The following AHNAK2 variants were observed in gnomAD, a reference collection of about 807,000 sequenced individuals.
AHNAK2 encodes protein AHNAK2.
AHNAK2 carries 18 observed loss-of-function variants against 30.7 expected under a neutral mutation model. The observed-to-expected ratio is 0.59, with a 90% CI of 0.41 to 0.87. AHNAK2 has a LOEUF of 0.87. AHNAK2 is among the 40% of genes least tolerant of loss of function. The probability of loss-of-function intolerance (pLI) is 0.00; values close to 1 mark genes in which losing one functional copy is unlikely to be tolerated. For synonymous variants in AHNAK2, 3,590 were observed against 3,073.8 expected (o/e 1.17, Z -5.56); for missense variants, 8,604 against 7,373.0 (o/e 1.17, Z -6.11).
chr14:104,949,840 G>A lies in AHNAK2; in HGVS notation c.5611C>T (p.Leu1871Phe), dbSNP rs374130169. ...TCTGCAGAAGGGAGCGGAATGCAGAGGTCCGTGGTCTTGAGGTCCCCCTGC... is the reference window on the plus strand; with the variant it reads ...TCTGCAGAAGGGAGCGGAATGCAGAAGTCCGTGGTCTTGAGGTCCCCCTGC... ...SMQGDLKTTDLCIPLPSADLV... is the reference protein window; with the variant it reads ...SMQGDLKTTDFCIPLPSADLV... The change falls in exon 7 of 7, where the codon CTC becomes TTC. Residue 1871 changes from leucine (L) to phenylalanine (F), a missense_variant. Transcript: ENST00000333244. 17 of 1,587,370 alleles carry A rather than the reference G, an allele frequency of 1.1e-5. 1 individual carries two copies. The highest frequency in any genetic ancestry group is 6.7e-5 in the South Asian group (6 of 90,038).
At position 104,945,845 on chromosome 14, in the gene AHNAK2, G is replaced by T; in HGVS notation, c.9606C>A (p.Val3202=). Reference sequence around the variant, plus strand: ...GCTTCACGTCCACCTGGCCAGCCTGGACCTCCAGTTGGGCAGAGGGGGGCT... The same window carrying T: ...GCTTCACGTCCACCTGGCCAGCCTGTACCTCCAGTTGGGCAGAGGGGGGCT... ...SIEPPSAQLE[V]QAGQVDVKLP... is the part of the protein sequence containing the mutation. The change falls in exon 7 of 7, where the codon GTC becomes GTA. Residue 3202 remains valine, a synonymous_variant. Transcript: ENST00000333244. 7.2e-7 allele frequency: 1 copy of T among 1,398,274 alleles called. No homozygotes were observed. Among genetic ancestry groups the T allele is most frequent in the Admixed American group, 1.8e-5 (1 of 55,400 alleles). 86.6% of individuals were successfully genotyped at this position (1,398,274 alleles called of 1,614,324 possible). A position where few individuals can be genotyped will look rare whatever the true frequency, so the allele number is the denominator to read the frequency against.
chr14:104,940,944 C>A lies in AHNAK2; in HGVS notation c.14507G>T (p.Gly4836Val). 1.9e-6 allele frequency: 3 copies of A among 1,612,778 alleles called. No individual in the cohort carries two copies. Residue 4836 changes from glycine to valine, a missense_variant, in exon 7 of 7, where the codon GGA becomes GTA. Transcript: ENST00000333244. The surrounding 1 kb of genome is among the most constrained non-coding windows in gnomAD (Gnocchi z 4.4). ...ACTCTCAGCTTGAGATGTTGGAACT[C>A]CCTCTGGAGGCTGCAGGTCAGTGGA... Reference protein sequence around the residue: ...ECSTDLQPPEGVPTSQAESHS... With the variant: ...ECSTDLQPPEVVPTSQAESHS...
At chr14:104,971,826 G>T (rs1002987823) in intron 1 of AHNAK2, among the ~76,000 whole-genome samples, 8 of 152,252 alleles carry the variant, frequency 5.3e-5, no homozygotes, top group Non-Finnish European at 1.2e-4. Flanking sequence ...CATAGCCTGG[G>T]TGTGGACGTG....
chr14:104,939,298 T>C lies in AHNAK2; in HGVS notation c.16153A>G (p.Lys5385Glu), dbSNP rs371625295. 46 of 1,613,870 alleles carry C rather than the reference T, an allele frequency of 2.9e-5. No homozygotes were observed. The African/African-American group carries it at 5.5e-4, about 19-fold the overall frequency. ...QLWEDSVLTV[K>E]FPKLMVPRFS... ...CTTGGTACCATTAATTTGGGGAATT[T>C]GACAGTTAGGACAGAATCTTCCCAC... The change falls in exon 7 of 7, where the codon AAA becomes GAA. Residue 5385 changes from lysine (K) to glutamate (E), a missense_variant. Transcript: ENST00000333244.
chr14:104,947,207 G>T lies in AHNAK2; in HGVS notation c.8244C>A (p.Gly2748=), dbSNP rs371509150. 3 of 1,612,156 alleles carry T rather than the reference G, an allele frequency of 1.9e-6. No homozygotes were observed. Among genetic ancestry groups the T allele is most frequent in the Non-Finnish European group, 2.5e-6 (3 of 1,179,604 alleles). ...SFKMPEVDLK[G]PQIDVKGPNV... ...TGGGGCCCTTAACATCTATCTGGGG[G>T]CCCTTGAGGTCCACTTCAGGCATCT... The change falls in exon 7 of 7, where the codon GGC becomes GGA. Residue 2748 remains glycine (G), a synonymous_variant. Transcript: ENST00000333244.
Position 104,955,134 on chromosome 14 carries a change from C to T in AHNAK2, c.474G>A (p.Gln158=), listed in dbSNP as rs779443797. Residue 158 remains glutamine (Q), a synonymous_variant, in exon 6 of 7, where the codon CAG becomes CAA. Transcript: ENST00000333244. ...AKLFNLREGD[Q]LLSTTVFFEN... is the part of the protein sequence containing the mutation. ...CAAAGAACACGGTTGTACTGAGCAGCTGATCCCCTAGACCAAGAAAGAGCA... is the reference window on the plus strand; with the variant it reads ...CAAAGAACACGGTTGTACTGAGCAGTTGATCCCCTAGACCAAGAAAGAGCA... 1.2e-6 allele frequency: 2 copies of T among 1,607,440 alleles called. No homozygotes were observed. Among genetic ancestry groups the T allele is most frequent in the South Asian group, 1.1e-5 (1 of 90,780 alleles).
chr14:104,960,859 C>T (rs1298109418), intron 1 of AHNAK2, among the ~76,000 whole-genome samples: 1 of 152,168 alleles, frequency 6.6e-6, no homozygotes, highest in African/African-American at 2.4e-5. Flanking sequence ...TAAGTCAGCA[C>T]GGTGGCTCAC....
chr14:104,975,977 G>C (rs112474143), intron 1 of AHNAK2, among the ~76,000 whole-genome samples: 2,115 of 152,284 alleles, frequency 0.014, 51 homozygotes, highest in African/African-American at 0.048. Context: ...GACCCCCACC[G>C]CAGAGAAGAG....
At position 104,947,514 on chromosome 14, in the gene AHNAK2, C is replaced by G. The variant is rs757902355; in HGVS notation, c.7937G>C (p.Ser2646Thr). Residue 2646 changes from serine to threonine, a missense_variant, in exon 7 of 7, where the codon AGC becomes ACC. Ser to Thr is a moderately conservative substitution (Grantham distance 58). Coordinates refer to ENST00000333244, the MANE Select transcript of AHNAK2 (RefSeq NM_138420.4). The stretch of plus-strand genomic sequence containing the variant: ...CTTGAACTTGGGCATTTTGAACTTG[C>G]TATCTTTGGCTGTCACACCCTTGTC... ...LADKGVTAKDSKFKMPKFKMP... is the reference protein window; with the variant it reads ...LADKGVTAKDTKFKMPKFKMP... 3.1e-6 allele frequency: 5 copies of G among 1,612,588 alleles called. No individual in the cohort carries two copies. Among genetic ancestry groups the G allele is most frequent in the Admixed American group, 1.7e-5 (1 of 59,888 alleles).
In AHNAK2 at chr14:104,942,091, T is replaced by C. The variant is rs774787768; in HGVS notation, c.13360A>G (p.Lys4454Glu). Residue 4454 changes from lysine (K) to glutamate (E), a missense_variant, in exon 7 of 7, where the codon AAG becomes GAG. Transcript: ENST00000333244. ...TTGCTGTCTTTGGCAGTCACGTCCT[T>C]GTCAGCCAGGGACAGGTCCCCCTCC... ...RLEGDLSLAD[K>E]DVTAKDSKFK... The C allele has an allele frequency of 1.2e-6, 2 of 1,608,344 alleles. No homozygotes were observed. Among genetic ancestry groups the C allele is most frequent in the Admixed American group, 1.7e-5 (1 of 59,548 alleles).
rs761084962 is a variant in AHNAK2 at position 104,944,581 on chromosome 14, G to A, written c.10870C>T (p.Leu3624=). 1.9e-6 allele frequency: 3 copies of A among 1,613,182 alleles called. No individual in the cohort carries two copies. Among genetic ancestry groups the A allele is most frequent in the Non-Finnish European group, 2.5e-6 (3 of 1,179,682 alleles). Residue 3624 remains leucine, a synonymous_variant, in exon 7 of 7, where the codon CTG becomes TTG. Coordinates refer to ENST00000333244, the MANE Select transcript of AHNAK2 (RefSeq NM_138420.4). ...GTCACGTCCTTGTCAGCCAGGGACAGGTCTCCCTCCAGCCGCCCAGCATCC... is the reference window on the plus strand; with the variant it reads ...GTCACGTCCTTGTCAGCCAGGGACAAGTCTCCCTCCAGCCGCCCAGCATCC... The part of the protein sequence containing the change: ...KLDAGRLEGD[L]SLADKDVTAK...
intron 1 of AHNAK2, among the ~76,000 whole-genome samples, chr14:104,963,644 C>G (rs1486318999): frequency 6.6e-6 from 1 of 152,010 alleles, no homozygotes; most frequent in Non-Finnish European, 1.5e-5. Flanking sequence ...TCCTGGCTAA[C>G]ACGGTGAAAC....
Position 104,941,515 on chromosome 14 carries a change from A to C in AHNAK2, c.13936T>G (p.Ser4646Ala), listed in dbSNP as rs1166528815. The C allele has an allele frequency of 5.6e-6, 9 of 1,612,922 alleles. No homozygotes were observed. The highest frequency in any genetic ancestry group is 1.3e-5 in the African/African-American group (1 of 74,930). ...CCTTCGATTTCAGAGGAAGACATGG[A>C]AACTTTCTTTGACGACCATTCAAAA... ...SGFEWSSKKVSMSSSEIEGNV... is the reference protein window; with the variant it reads ...SGFEWSSKKVAMSSSEIEGNV... The change falls in exon 7 of 7, where the codon TCC becomes GCC. Residue 4646 changes from serine (S) to alanine (A), a missense_variant. By Grantham distance (99) the Ser-to-Ala change is moderately conservative (BLOSUM62 1). Coordinates refer to ENST00000333244, the MANE Select transcript of AHNAK2 (RefSeq NM_138420.4).
At chr14:104,977,478 T>C (rs1217674001) in intron 1 of AHNAK2, among the ~76,000 whole-genome samples, 2 of 152,132 alleles carry the variant, frequency 1.3e-5, no homozygotes, top group African/African-American at 4.8e-5. Context: ...TAGCACCCAC[T>C]TTCCCTTGCC....
chr14:104,952,813 C>T lies in AHNAK2; in HGVS notation c.2638G>A (p.Asp880Asn). Residue 880 changes from aspartate (D) to asparagine (N), a missense_variant, in exon 7 of 7, where the codon GAC (aspartate) becomes AAC (asparagine). Coordinates refer to ENST00000333244, the MANE Select transcript of AHNAK2 (RefSeq NM_138420.4). ...GCGGAAGGGGGCTGAATGCTGAGGT[C>T]AGTGGCCTTGAGGTCCCCCTGCATG... ...SSMQGDLKAT[D>N]LSIQPPSADL... 3 of 1,612,486 alleles carry T rather than the reference C, an allele frequency of 1.9e-6. No homozygotes were observed. The highest frequency in any genetic ancestry group is 1.7e-6 in the Non-Finnish European group (2 of 1,179,542).
Position 104,943,548 on chromosome 14 carries a change from A to G in AHNAK2, c.11903T>C (p.Phe3968Ser). Residue 3968 changes from phenylalanine to serine, a missense_variant, in exon 7 of 7, where the codon TTC (phenylalanine) becomes TCC (serine). Transcript: ENST00000333244. ...CGGCATCTTGAACTTGGGCATTTTG[A>G]ACTTGCTGTCTTTGGCCGTCATGTC... ...DKDMTAKDSK[F>S]KMPKFKMPSF... 2 of 1,612,334 alleles carry G rather than the reference A, an allele frequency of 1.2e-6. No homozygotes were observed. Among genetic ancestry groups the G allele is most frequent in the South Asian group, 2.2e-5 (2 of 90,998 alleles).
Position 104,946,155 on chromosome 14 carries a change from G to C in AHNAK2, c.9296C>G (p.Ala3099Gly). ...DLKGPKTDVT[A>G]PDVEVSQPGM... ...GGGCTGAGACACCTCCACGTCGGGG[G>C]CCGTCACGTCCGTCTTCGGGCCTTT... Residue 3099 changes from alanine to glycine, a missense_variant, in exon 7 of 7, where the codon GCC becomes GGC. Physicochemically the swap from Ala to Gly is moderately conservative, Grantham distance 60. Coordinates refer to ENST00000333244, the MANE Select transcript of AHNAK2 (RefSeq NM_138420.4). 1 of 1,612,064 alleles carries C rather than the reference G, an allele frequency of 6.2e-7. No individual in the cohort carries two copies. Among genetic ancestry groups the C allele is most frequent in the Non-Finnish European group, 8.5e-7 (1 of 1,179,406 alleles).
In AHNAK2 at chr14:104,941,091, C is replaced by G. The variant is rs771603387; in HGVS notation, c.14360G>C (p.Cys4787Ser). Residue 4787 changes from cysteine (C) to serine (S), a missense_variant, in exon 7 of 7, where the codon TGT becomes TCT. Physicochemically the swap from Cys to Ser is moderately radical, Grantham distance 112. Coordinates refer to ENST00000333244, the MANE Select transcript of AHNAK2 (RefSeq NM_138420.4). ...GTATTTTGTAAGTGTAACATCCTCA[C>G]AGGGAGAGAGAATAGAAGATTCAAA... ...PHFESSILSP[C>S]EDVTLTKYQV... The G allele has an allele frequency of 4.2e-5, 68 of 1,613,578 alleles. No individual in the cohort carries two copies. The highest frequency in any genetic ancestry group is 5.5e-5 in the Non-Finnish European group (65 of 1,179,898).
At position 104,954,365 on chromosome 14, in the gene AHNAK2, C is replaced by T; in HGVS notation, c.1086G>A (p.Trp362Ter). ...CCCCAGTCTCCTCGAGGCTATCACCCCAGGGCCCCAACTCTTCCAGGACCC... is the reference window on the plus strand; with the variant it reads ...CCCCAGTCTCCTCGAGGCTATCACCTCAGGGCCCCAACTCTTCCAGGACCC... Reference protein sequence around the residue: ...RAGVLEELGPWGDSLEETGAA... With the variant: ...RAGVLEELGP The change falls in exon 7 of 7, where the codon TGG (tryptophan) becomes TGA (stop). Residue 362 changes from tryptophan to a stop codon, truncating the protein, a stop_gained. Coordinates refer to ENST00000333244, the MANE Select transcript of AHNAK2 (RefSeq NM_138420.4). LOFTEE classifies it low-confidence loss of function (END_TRUNC). The surrounding 1 kb of genome is among the most constrained non-coding windows in gnomAD (Gnocchi z 4.3). The T allele has an allele frequency of 6.2e-7, 1 of 1,613,424 alleles. No individual in the cohort carries two copies. Among genetic ancestry groups the T allele is most frequent in the Non-Finnish European group, 8.5e-7 (1 of 1,179,878 alleles).
Sources: allele counts gnomAD v4.1 joint callset (sites outside exome capture counted in the v4.1 genomes callset), GRCh38; gene constraint gnomAD v4.1.1; non-coding constraint Gnocchi (gnomAD v3.1); transcripts MANE v1.5; gene names NCBI Gene and HGNC (gene_info 2026-07-23, HGNC 2026-07-21).